HIVEP1: variants seen among roughly 807,000 people sequenced by gnomAD.
HIVEP1 encodes the protein HIVEP zinc finger 1.
Under a neutral mutation model 180.0 loss-of-function variants are expected in HIVEP1, and 36 were observed. The ratio of observed to expected loss-of-function variants is 0.20; its 90% CI spans 0.15 to 0.26. The LOEUF (loss-of-function observed/expected upper bound fraction) is 0.26, where lower values mean the gene tolerates loss of function less well. Among genes scored for constraint, HIVEP1 ranks in the 10% least tolerant of loss-of-function variants. HIVEP1 has a pLI of 1.00. For missense variants in HIVEP1, 3,143 were observed against 3,268.7 expected (o/e 0.96, Z 0.94); for synonymous variants, 1,239 against 1,239.0 (o/e 1.00, Z 0.00).
At chr6:12,112,830 G>A (rs1049931484) in intron 3 of HIVEP1, among the ~76,000 whole-genome samples, 2 of 152,114 alleles carry the variant, frequency 1.3e-5, no homozygotes, top group Admixed American at 1.3e-4. Flanking sequence ...CCATGGCAAG[G>A]GACTGAAATT....
At chr6:12,016,195 A>G (rs1002574772) in intron 2 of HIVEP1, among the ~76,000 whole-genome samples, 5 of 152,194 alleles carry the variant, frequency 3.3e-5, no homozygotes, top group African/African-American at 1.2e-4. Context: ...GTGGGTCACA[A>G]ATATATATAT....
intron 2 of HIVEP1, among the ~76,000 whole-genome samples, chr6:12,043,362 T>G: frequency 6.8e-6 from 1 of 146,290 alleles, no homozygotes; most frequent in South Asian, 2.3e-4. Flanking sequence ...AAAATTTTTT[T>G]TTTTTTTTTT....
In HIVEP1 at chr6:12,124,399, C is replaced by T. The variant is rs371327892; in HGVS notation, c.4604C>T (p.Thr1535Met). 38 of 1,614,000 alleles carry T rather than the reference C, an allele frequency of 2.4e-5. 1 individual carries two copies. Among genetic ancestry groups the T allele is most frequent in the African/African-American group, 1.7e-4 (13 of 75,036 alleles). ...ACACAGCTATCTCTGCAAGTGTCTA[C>T]GCAGGGTAGCAAGCCAGATAAAAAT... Reference protein sequence around the residue: ...QSTQLSLQVSTQGSKPDKNSV... With the variant: ...QSTQLSLQVSMQGSKPDKNSV... The change falls in exon 4 of 9, where the codon ACG (threonine) becomes ATG (methionine). Residue 1535 changes from threonine to methionine, a missense_variant. By Grantham distance (81) the Thr-to-Met change is moderately conservative (BLOSUM62 -1). Coordinates refer to ENST00000379388, the MANE Select transcript of HIVEP1 (RefSeq NM_002114.4).
chr6:12,078,363 C>A (rs959479425), intron 2 of HIVEP1, among the ~76,000 whole-genome samples: 1 of 151,716 alleles, frequency 6.6e-6, no homozygotes, highest in Non-Finnish European at 1.5e-5. Flanking sequence ...TACCAGTAGA[C>A]CAAGCTTTTC....
chr6:12,146,672 A>C (rs1205831046), intron 7 of HIVEP1, among the ~76,000 whole-genome samples: 1 of 152,142 alleles, frequency 6.6e-6, no homozygotes, highest in Non-Finnish European at 1.5e-5. Context: ...TTTTTTGACT[A>C]TTCTGTGTTC....
intron 2 of HIVEP1, among the ~76,000 whole-genome samples, chr6:12,027,358 C>A (rs1394234532): frequency 6.6e-6 from 1 of 152,140 alleles, no homozygotes; most frequent in Admixed American, 6.5e-5. Flanking sequence ...GGGAAGAAGT[C>A]CACTTACTTG....
chr6:12,084,038 C>T (rs1404682037), intron 2 of HIVEP1, among the ~76,000 whole-genome samples: 1 of 152,054 alleles, frequency 6.6e-6, no homozygotes, highest in Non-Finnish European at 1.5e-5. Flanking sequence ...TTAGGACATG[C>T]TTTATTCTTT....
the HIVEP1 span, among the ~76,000 whole-genome samples, chr6:12,173,861 G>A: frequency 3.0e-3 from 456 of 152,274 alleles, 2 homozygotes; most frequent in African/African-American, 0.01. Flanking sequence ...CTGGAGATCA[G>A]TCATGGAAAG....
chr6:12,155,739 A>G (rs967241981), intron 7 of HIVEP1, among the ~76,000 whole-genome samples: 1 of 152,050 alleles, frequency 6.6e-6, no homozygotes, highest in South Asian at 2.1e-4. Flanking sequence ...TAGTAAAATG[A>G]TTTCTGTTCC....
At position 12,122,582 on chromosome 6, in the gene HIVEP1, T is replaced by C. The variant is rs1397726053; in HGVS notation, c.2787T>C (p.Ala929=). The C allele has an allele frequency of 1.5e-5, 25 of 1,614,076 alleles. No individual in the cohort carries two copies. The highest frequency in any genetic ancestry group is 1.6e-4 in the Middle Eastern group (1 of 6,082). The change falls in exon 4 of 9, where the codon GCT becomes GCC. Residue 929 remains alanine, a synonymous_variant. Transcript: ENST00000379388. ...AGAGCCACCAAGGATGCCATGCTGC[T>C]GGTGAAGCCATGTCAGTGAGGAGCA... ...LDESHQGCHA[A]GEAMSVRSKA... is the part of the protein sequence containing the mutation.
At chr6:12,059,512 G>A (rs2113747459) in intron 2 of HIVEP1, among the ~76,000 whole-genome samples, 1 of 152,222 alleles carries the variant, frequency 6.6e-6, no homozygotes, top group South Asian at 2.1e-4. Flanking sequence ...TCAAGATAAA[G>A]GCTTAGATTC....
chr6:12,194,599 T>A, the HIVEP1 span, among the ~76,000 whole-genome samples: 1 of 152,056 alleles, frequency 6.6e-6, no homozygotes, highest in African/African-American at 2.4e-5. Flanking sequence ...GTCAGGAGTT[T>A]GAGACCAGCC....
downstream of HIVEP1, among the ~76,000 whole-genome samples, chr6:12,169,587 A>G (rs752603640): frequency 2.6e-5 from 4 of 152,224 alleles, no homozygotes; most frequent in Non-Finnish European, 5.9e-5. Flanking sequence ...CACATCATAG[A>G]GACCACAGAC....
In HIVEP1 at chr6:12,123,125, C is replaced by T; in HGVS notation, c.3330C>T (p.Thr1110=). The change falls in exon 4 of 9, where the codon ACC becomes ACT. Residue 1110 remains threonine, a synonymous_variant. Transcript: ENST00000379388. ...PEQTMDPKLS[T]IMEQQISSAA... ...AGACCATGGATCCCAAGCTGTCGAC[C>T]ATCATGGAACAACAGATAAGTTCAG... The T allele has an allele frequency of 6.2e-7, 1 of 1,614,118 alleles. No individual in the cohort carries two copies. Among genetic ancestry groups the T allele is most frequent in the South Asian group, 1.1e-5 (1 of 91,072 alleles).
chr6:12,017,427 T>C (rs1020516066), intron 2 of HIVEP1, among the ~76,000 whole-genome samples: 10 of 152,256 alleles, frequency 6.6e-5, no homozygotes, highest in Admixed American at 3.3e-4. Context: ...GCGGTGAGTT[T>C]TATAGCTCAT....
chr6:12,193,889 T>C, the HIVEP1 span, among the ~76,000 whole-genome samples: 5 of 152,224 alleles, frequency 3.3e-5, no homozygotes, highest in Non-Finnish European at 7.3e-5. Flanking sequence ...ATTTTAATTC[T>C]TTTTCATAGT....
chr6:12,110,333 A>G (rs1171541253), intron 3 of HIVEP1, among the ~76,000 whole-genome samples: 1 of 152,232 alleles, frequency 6.6e-6, no homozygotes, highest in East Asian at 1.9e-4. Flanking sequence ...TCTCTCTAGT[A>G]TGAAAGCCCT....
At chr6:12,032,591 C>A (rs979870590) in intron 2 of HIVEP1, among the ~76,000 whole-genome samples, 37 of 152,162 alleles carry the variant, frequency 2.4e-4, no homozygotes, top group African/African-American at 8.0e-4. Flanking sequence ...TACTTAATCT[C>A]TCTGAACCTG....
chr6:12,131,263 T>C lies in HIVEP1; in HGVS notation c.6385+321T>C, dbSNP rs181099736. Among the ~76,000 whole-genome samples, 4 of 152,056 alleles carry C rather than the reference T, an allele frequency of 2.6e-5. No individual in the cohort carries two copies. In the East Asian group the frequency reaches 7.7e-4, roughly 29 times the overall value. On this transcript the variant is annotated intron_variant, in intron 6 of 8. Coordinates refer to ENST00000379388, the MANE Select transcript of HIVEP1 (RefSeq NM_002114.4). ...TATACCTTTTCAAGAATATTTAATT[T>C]GGGGCTGAAGAATAAAAAGAAATTT...
Sources: allele counts gnomAD v4.1 joint callset (sites outside exome capture counted in the v4.1 genomes callset), GRCh38; gene constraint gnomAD v4.1.1; transcripts MANE v1.5; gene names NCBI Gene and HGNC (gene_info 2026-07-23, HGNC 2026-07-21).